The following ZBTB20 variants were observed in gnomAD, a reference collection of about 807,000 sequenced individuals.
ZBTB20 encodes the protein zinc finger and BTB domain-containing protein 20.
A neutral mutation model predicts 56.9 loss-of-function variants in ZBTB20; 9 were observed. The observed-to-expected ratio is 0.16, with a 90% CI of 0.10 to 0.28. The LOEUF (loss-of-function observed/expected upper bound fraction) is 0.28, where lower values mean the gene tolerates loss of function less well. ZBTB20 is among the 10% of genes least tolerant of loss of function. The pLI is 1.00. For synonymous variants in ZBTB20, 417 were observed against 420.7 expected (o/e 0.99, Z 0.11); for missense variants, 655 against 1,003.0 (o/e 0.65, Z 4.69).
rs1231531943 is a variant in ZBTB20 at position 114,883,924 on chromosome 3, T to C, written c.-417+16380A>G. Among the ~76,000 whole-genome samples the C allele has an allele frequency of 5.1e-4, 33 of 65,002 alleles. 5 individuals are homozygous for C. The highest frequency in any genetic ancestry group is 2.0e-3 in the East Asian group (2 of 1,010). 42.6% of individuals were successfully genotyped at this position (65,002 alleles called of 152,430 possible). A position where few individuals can be genotyped will look rare whatever the true frequency, so the allele number is the denominator to read the frequency against. On this transcript the variant is annotated intron_variant, in intron 4 of 11. Coordinates refer to ENST00000675478, the MANE Select transcript of ZBTB20 (RefSeq NM_001348800.3). ...GGTAAGAATGGTGTGTTCTTTTTTT[T>C]TTTTTTTTTTTTTTTTTTTGAGACG...
intron 6 of ZBTB20, among the ~76,000 whole-genome samples, chr3:114,629,499 T>G (rs1367366366): frequency 6.6e-6 from 1 of 152,152 alleles, no homozygotes; most frequent in African/African-American, 2.4e-5. Flanking sequence ...ATTTAAAAAT[T>G]TGATATTTAA....
At chr3:115,130,324 G>T (rs1432824589) in intron 1 of ZBTB20, among the ~76,000 whole-genome samples, 1 of 152,046 alleles carries the variant, frequency 6.6e-6, no homozygotes, top group African/African-American at 2.4e-5. Flanking sequence ...ACTTCTATGT[G>T]CAAGGACTCA....
intron 6 of ZBTB20, among the ~76,000 whole-genome samples, chr3:114,567,073 C>G (rs1333792197): frequency 6.6e-6 from 1 of 152,124 alleles, no homozygotes; most frequent in Non-Finnish European, 1.5e-5. Context: ...GTGATGGCTG[C>G]ACAGGGGGCT....
chr3:114,589,106 T>A (rs934226778), intron 6 of ZBTB20, among the ~76,000 whole-genome samples: 1 of 152,104 alleles, frequency 6.6e-6, no homozygotes, highest in Non-Finnish European at 1.5e-5. Flanking sequence ...CCACGACACA[T>A]GAAGATTATG....
At chr3:114,588,040 T>C (rs1270533089) in intron 6 of ZBTB20, among the ~76,000 whole-genome samples, 2 of 152,178 alleles carry the variant, frequency 1.3e-5, no homozygotes, top group Non-Finnish European at 2.9e-5. Flanking sequence ...TCCATGACAA[T>C]TCCTTTCTCT....
At chr3:114,709,198 T>C (rs1364421871) in intron 5 of ZBTB20, among the ~76,000 whole-genome samples, 1 of 152,154 alleles carries the variant, frequency 6.6e-6, no homozygotes, top group African/African-American at 2.4e-5. Flanking sequence ...CAATTCAGCC[T>C]CCATAGTATT....
chr3:115,146,838 TAG>T (rs2084997155), intron 1 of ZBTB20, among the ~76,000 whole-genome samples: 1 of 151,176 alleles, frequency 6.6e-6, no homozygotes, highest in African/African-American at 2.4e-5. Context: ...GCGCAGGGAG[TAG>T]AGAGAAGAAG....
intron 7 of ZBTB20, among the ~76,000 whole-genome samples, chr3:114,432,609 G>C (rs1158502446): frequency 6.6e-6 from 1 of 152,178 alleles, no homozygotes; most frequent in Non-Finnish European, 1.5e-5. Flanking sequence ...TTCTGAGGGG[G>C]ACAGTAAACA....
chr3:114,721,856 A>C (rs2064939618), intron 5 of ZBTB20, among the ~76,000 whole-genome samples: 1 of 152,210 alleles, frequency 6.6e-6, no homozygotes, highest in Non-Finnish European at 1.5e-5. Context: ...GAATAAAAAG[A>C]AGGAAATAAA....
In ZBTB20 at chr3:114,336,289, T is replaced by C. The variant is rs1419308570; in HGVS notation, c.*2716A>G. On this transcript the variant is annotated 3_prime_UTR_variant, in exon 12 of 12. Transcript: ENST00000675478. The stretch of plus-strand genomic sequence containing the variant: ...AAAATATCAAAACAATTCCATGACA[T>C]AGTTAATTAATGCTCCCTCTATTGG... 2.0e-5 allele frequency: 3 copies of C among 152,206 alleles called. No individual in the cohort carries two copies. Among genetic ancestry groups the C allele is most frequent in the African/African-American group, 7.2e-5 (3 of 41,450 alleles). The allele number at this position is 152,206 out of a possible 1,614,324, so 9.4% of individuals were successfully genotyped here. A position where few individuals can be genotyped will look rare whatever the true frequency, so the allele number is the denominator to read the frequency against.
intron 7 of ZBTB20, among the ~76,000 whole-genome samples, chr3:114,440,307 T>C (rs1203229641): frequency 6.6e-6 from 1 of 152,084 alleles, no homozygotes; most frequent in Non-Finnish European, 1.5e-5. Flanking sequence ...ATTACACAGA[T>C]AGGTTAAGCG....
intron 6 of ZBTB20, among the ~76,000 whole-genome samples, chr3:114,524,217 G>A (rs1200386980): frequency 1.3e-5 from 2 of 152,178 alleles, no homozygotes; most frequent in Admixed American, 6.5e-5. Flanking sequence ...TGTATTAGGG[G>A]TAACAAAGGG....
At chr3:114,980,709 AT>A (rs1239790544) in intron 2 of ZBTB20, among the ~76,000 whole-genome samples, 1 of 151,936 alleles carries the variant, frequency 6.6e-6, no homozygotes, top group African/African-American at 2.4e-5. Flanking sequence ...AACTATAAAA[AT>A]ATTAATAATT....
intron 2 of ZBTB20, among the ~76,000 whole-genome samples, chr3:114,990,799 T>C (rs2078770423): frequency 6.6e-6 from 1 of 152,210 alleles, no homozygotes; most frequent in Admixed American, 6.5e-5. Flanking sequence ...TATTGGTCTA[T>C]TCACGGATTT....
At position 114,325,201 on chromosome 3, in the gene ZBTB20, G is replaced by A. The variant is rs966805247; in HGVS notation, c.*13804C>T. 2.8e-4 allele frequency: 42 copies of A among 152,136 alleles called. No homozygotes were observed. The highest frequency in any genetic ancestry group is 9.9e-4 in the African/African-American group (41 of 41,432). 9.4% of individuals were successfully genotyped at this position (152,136 alleles called of 1,614,324 possible). ...CAATAGGCTCCTCAGGAAAACTGAGGTTCAAATCAACGGGCCTAAAGAAGA... is the reference window on the plus strand; with the variant it reads ...CAATAGGCTCCTCAGGAAAACTGAGATTCAAATCAACGGGCCTAAAGAAGA... On this transcript the variant is annotated 3_prime_UTR_variant, in exon 12 of 12. Transcript: ENST00000675478.
intron 7 of ZBTB20, among the ~76,000 whole-genome samples, chr3:114,447,527 C>T (rs2091341603): frequency 6.6e-6 from 1 of 151,730 alleles, no homozygotes; most frequent in Non-Finnish European, 1.5e-5. Context: ...CATTTCCCTT[C>T]CCACCCCACC....
chr3:114,543,276 T>C lies in ZBTB20; in HGVS notation c.-294-42885A>G, dbSNP rs146737650. On this transcript the variant is annotated intron_variant, in intron 6 of 11. Coordinates refer to ENST00000675478, the MANE Select transcript of ZBTB20 (RefSeq NM_001348800.3). ...TATTGTTATTTTTTATTGTTTTTTTTCCAAATATTTTTGATGTGTGGTTGA... is the reference window on the plus strand; with the variant it reads ...TATTGTTATTTTTTATTGTTTTTTTCCCAAATATTTTTGATGTGTGGTTGA... 2.5e-3 allele frequency among the ~76,000 whole-genome samples: 386 copies of C among 152,280 alleles called. 2 individuals are homozygous for C. The highest frequency in any genetic ancestry group is 8.8e-3 in the African/African-American group (366 of 41,554).
At chr3:114,654,527 A>T (rs1410113341) in intron 6 of ZBTB20, among the ~76,000 whole-genome samples, 2 of 151,996 alleles carry the variant, frequency 1.3e-5, no homozygotes, top group Non-Finnish European at 2.9e-5. Context: ...AACTCATTTG[A>T]TGAACCAGAT....
At chr3:114,940,853 TGCATTC>T in intron 3 of ZBTB20, among the ~76,000 whole-genome samples, 1 of 145,872 alleles carries the variant, frequency 6.9e-6, no homozygotes, top group Non-Finnish European at 1.5e-5. Context: ...ATGAAAGAAA[TGCATTC>T]AGGGACCTTA....
Sources: allele counts gnomAD v4.1 joint callset (sites outside exome capture counted in the v4.1 genomes callset), GRCh38; gene constraint gnomAD v4.1.1; transcripts MANE v1.5; gene names NCBI Gene and HGNC (gene_info 2026-07-23, HGNC 2026-07-21).